CCDC86: variants seen among roughly 807,000 people sequenced by gnomAD.
The protein encoded by CCDC86 is coiled-coil domain containing 86.
CCDC86 carries 28 observed loss-of-function variants against 36.7 expected under a neutral mutation model. The observed-to-expected ratio is 0.76, with a 90% CI of 0.57 to 1.05. The LOEUF (loss-of-function observed/expected upper bound fraction) is 1.05, where lower values mean the gene tolerates loss of function less well. Ranked by LOEUF, CCDC86 falls within the 50% of genes least tolerant of loss-of-function variation. The probability of loss-of-function intolerance (pLI) is 0.00; values close to 1 mark genes in which losing one functional copy is unlikely to be tolerated. For synonymous variants in CCDC86, 199 were observed against 203.4 expected (o/e 0.98, Z 0.18); for missense variants, 453 against 470.2 (o/e 0.96, Z 0.34).
chr11:60,850,412 T>C lies in CCDC86; in HGVS notation c.*87T>C, dbSNP rs1034541723. On this transcript the variant is annotated 3_prime_UTR_variant, in exon 4 of 4. Coordinates refer to ENST00000227520, the MANE Select transcript of CCDC86 (RefSeq NM_024098.4). ...GCTGCTCAGATGCCTCTGCTGGAGC[T>C]GGCACTCCAAACCCATGGCTCCAGA... 2.6e-4 allele frequency: 399 copies of C among 1,511,180 alleles called. 2 individuals carry two copies. Among genetic ancestry groups the C allele is most frequent in the East Asian group, 5.0e-4 (21 of 42,382 alleles). 93.6% of individuals were successfully genotyped at this position (1,511,180 alleles called of 1,614,324 possible).
At position 60,847,698 on chromosome 11, in the gene CCDC86, A is replaced by G. The variant is rs142639468; in HGVS notation, c.759-226A>G. ...GTAAGTGGAGAGGATAGGAGTACCCACCTCAGAGGCATGTAGCCAAGGCTT... is the reference window on the plus strand; with the variant it reads ...GTAAGTGGAGAGGATAGGAGTACCCGCCTCAGAGGCATGTAGCCAAGGCTT... On this transcript the variant is annotated intron_variant, in intron 1 of 3. Coordinates refer to ENST00000227520, the MANE Select transcript of CCDC86 (RefSeq NM_024098.4). 521 of 399,354 alleles carry G rather than the reference A, an allele frequency of 1.3e-3. 8 individuals carry two copies. In the East Asian group the frequency reaches 0.014, roughly 11 times the overall value. The allele number at this position is 399,354 out of a possible 1,614,324, so 24.7% of individuals were successfully genotyped here. A position where few individuals can be genotyped will look rare whatever the true frequency, so the allele number is the denominator to read the frequency against.
At chr11:60,844,851 T>A (rs1855163951) in intron 1 of CCDC86, among the ~76,000 whole-genome samples, 1 of 152,218 alleles carries the variant, frequency 6.6e-6, no homozygotes, top group African/African-American at 2.4e-5. Flanking sequence ...GGTAGTTCAT[T>A]CATTCATCAA....
rs1234755449 is a variant in CCDC86, at chr11:60,847,756, T to C, written c.759-168T>C. ...GGCAGCCAGCACGATCAGGGTTCCCTCCCGCCCCAAGTTTCTGCAGCCCTG... is the reference window on the plus strand; with the variant it reads ...GGCAGCCAGCACGATCAGGGTTCCCCCCCGCCCCAAGTTTCTGCAGCCCTG... On this transcript the variant is annotated intron_variant, in intron 1 of 3. Coordinates refer to ENST00000227520, the MANE Select transcript of CCDC86 (RefSeq NM_024098.4). The C allele has an allele frequency of 3.6e-6, 3 of 841,476 alleles. No individual in the cohort carries two copies. In the East Asian group the frequency reaches 9.9e-5, roughly 28 times the overall value. 52.1% of individuals were successfully genotyped at this position (841,476 alleles called of 1,614,324 possible).
rs551238179 is a variant in CCDC86, at chr11:60,846,635, AGCAATCTCGGCTCACC to A, written c.759-1284_759-1269del. Among the ~76,000 whole-genome samples the A allele has an allele frequency of 1.4e-3, 210 of 151,768 alleles. 1 individual carries two copies. The highest frequency in any genetic ancestry group is 3.4e-3 in the Middle Eastern group (1 of 294). On this transcript the variant is annotated intron_variant, in intron 1 of 3. Transcript: ENST00000227520. ...TGTTGCCCAGGCCAGAGTGCAATGG[AGCAATCTCGGCTCACC>A]GCAACCTCCGCCTCCTGGGTTCAAG...
intron 1 of CCDC86, 103 bp from the exon 2 acceptor site, chr11:60,847,821 T>A: frequency 7.0e-7 from 1 of 1,419,438 alleles, no homozygotes; most frequent in Non-Finnish European, 9.4e-7. Context: ...TGGTTCTGCC[T>A]GGGCTCTGGG....
chr11:60,850,123 C>A, intron 3 of CCDC86, 83 bp from the exon 4 acceptor site: 1 of 1,607,550 alleles, frequency 6.2e-7, no homozygotes, highest in Non-Finnish European at 8.5e-7. Flanking sequence ...ATCTCAGGCC[C>A]CTGTGGGGCG....
At chr11:60,847,764 C>T in intron 1 of CCDC86, 160 bp from the exon 2 acceptor site, 1 of 951,272 alleles carries the variant, frequency 1.1e-6, no homozygotes, top group Non-Finnish European at 1.5e-6. Flanking sequence ...CCTCCCGCCC[C>T]AAGTTTCTGC....
chr11:60,850,459 G>A lies in CCDC86; in HGVS notation c.*134G>A, dbSNP rs959241507. 9.0e-6 allele frequency: 11 copies of A among 1,217,738 alleles called. No individual in the cohort carries two copies. The highest frequency in any genetic ancestry group is 2.8e-4 in the Middle Eastern group (1 of 3,532). The allele number at this position is 1,217,738 out of a possible 1,614,324, so 75.4% of individuals were successfully genotyped here. A position where few individuals can be genotyped will look rare whatever the true frequency, so the allele number is the denominator to read the frequency against. On this transcript the variant is annotated 3_prime_UTR_variant, in exon 4 of 4. Transcript: ENST00000227520. ...CAGAACAGGGACCCCCACCCCGACC[G>A]GGGCTCCTCGGCCTTTGAAGGCTTC...
At position 60,850,037 on chromosome 11, in the gene CCDC86, C is replaced by T. The variant is rs377221033; in HGVS notation, c.963+23C>T. On this transcript the variant is annotated intron_variant, in intron 3 of 3. Transcript: ENST00000227520. ...GTGGTGAGTGTCTCGTTTTCCCCCT[C>T]TGCCCTTCTGCCCCACTTGGGGGTG... The T allele has an allele frequency of 1.2e-4, 196 of 1,612,722 alleles. No individual in the cohort carries two copies. The African/African-American group carries it at 2.3e-3, about 19-fold the overall frequency.
In CCDC86 at chr11:60,847,914, C is replaced by T; in HGVS notation, c.759-10C>T. On this transcript the variant is annotated splice_polypyrimidine_tract_variant and intron_variant, in intron 1 of 3. Coordinates refer to ENST00000227520, the MANE Select transcript of CCDC86 (RefSeq NM_024098.4). ...ACAGACCCTGTATGCACCCACTCTC[C>T]CCCTTTCAGATTCTCCCAGATGCTT... 2 of 1,608,688 alleles carry T rather than the reference C, an allele frequency of 1.2e-6. No individual in the cohort carries two copies. The highest frequency in any genetic ancestry group is 2.2e-5 in the East Asian group (1 of 44,604).
intron 2 of CCDC86, among the ~76,000 whole-genome samples, chr11:60,849,685 C>T (rs500595): frequency 0.66 from 99,747 of 152,092 alleles, 33,423 homozygotes; most frequent in East Asian, 0.93. Context: ...AGTGTCTCAG[C>T]CCCTGTCCTC....
At chr11:60,849,850 G>T in intron 2 of CCDC86, 90 bp from the exon 3 acceptor site, 2 of 1,113,938 alleles carry the variant, frequency 1.8e-6, no homozygotes, top group Non-Finnish European at 2.7e-6. Flanking sequence ...TTCCTCCTGG[G>T]AATTCTGCCC....
intron 3 of CCDC86, 94 bp downstream of exon 3, chr11:60,850,108 C>A: frequency 6.2e-7 from 1 of 1,606,480 alleles, no homozygotes; most frequent in South Asian, 1.1e-5. Context: ...CACTCTCATG[C>A]TACGATCTCA....
chr11:60,846,948 G>T (rs929255127), intron 1 of CCDC86, among the ~76,000 whole-genome samples: 3 of 152,118 alleles, frequency 2.0e-5, no homozygotes, highest in East Asian at 1.9e-4. Context: ...ATAAATCCTT[G>T]TAGTATGCAT....
chr11:60,843,025 T>C lies in CCDC86; in HGVS notation c.758+143T>C. On this transcript the variant is annotated intron_variant, in intron 1 of 3. Transcript: ENST00000227520. ...GATGTTAGCAAACAGGTAATTACAA[T>C]CAGAATGTGGTAAAATGCCCTGGGA... is the stretch of plus-strand genomic sequence containing the variant. 2.6e-6 allele frequency: 3 copies of C among 1,152,396 alleles called. No individual in the cohort carries two copies. In the South Asian group the frequency reaches 5.6e-5, roughly 22 times the overall value. The allele number at this position is 1,152,396 out of a possible 1,614,324, so 71.4% of individuals were successfully genotyped here.
chr11:60,842,152 C>G lies in CCDC86; in HGVS notation c.28C>G (p.Arg10Gly), dbSNP rs772266334. 4.4e-6 allele frequency: 7 copies of G among 1,599,238 alleles called. 1 individual carries two copies. In the South Asian group the frequency reaches 7.8e-5, roughly 18 times the overall value. Residue 10 changes from arginine (R) to glycine (G), a missense_variant, in exon 1 of 4, where the codon CGG (arginine) becomes GGG (glycine). Arg to Gly is a moderately radical substitution (Grantham distance 125, BLOSUM62 -2). Transcript: ENST00000227520. MDTPLRRSR[R>G]LGGLRPESPE... ...GGATACACCGTTAAGGCGCAGCCGA[C>G]GGCTGGGAGGCCTAAGGCCCGAATC...
chr11:60,849,159 C>T (rs995121606), intron 2 of CCDC86, among the ~76,000 whole-genome samples: 1 of 152,190 alleles, frequency 6.6e-6, no homozygotes, highest in African/African-American at 2.4e-5. Context: ...CGTCCCCACC[C>T]TGGCCTTGCT....
At chr11:60,846,555 C>A (rs1234459875) in intron 1 of CCDC86, among the ~76,000 whole-genome samples, 2 of 152,110 alleles carry the variant, frequency 1.3e-5, no homozygotes, top group Admixed American at 6.6e-5. Context: ...ATCTTTGATA[C>A]TTGGCTTTTT....
At position 60,850,004 on chromosome 11, in the gene CCDC86, T is replaced by C; in HGVS notation, c.953T>C (p.Val318Ala). 6.2e-7 allele frequency: 1 copy of C among 1,613,982 alleles called. No homozygotes were observed. Among genetic ancestry groups the C allele is most frequent in the Non-Finnish European group, 8.5e-7 (1 of 1,179,980 alleles). Residue 318 changes from valine (V) to alanine (A), a missense_variant, in exon 3 of 4, where the codon GTC becomes GCC. Physicochemically the swap from Val to Ala is moderately conservative, Grantham distance 64 (BLOSUM62 0). Transcript: ENST00000227520. ...RRLENERKAE[V>A]VQVIRNPAKL... ...CTGGAGAATGAGCGGAAGGCAGAGG[T>C]CGTCCAAGTGGTGAGTGTCTCGTTT...
Sources: allele counts gnomAD v4.1 joint callset (sites outside exome capture counted in the v4.1 genomes callset), GRCh38; gene constraint gnomAD v4.1.1; transcripts MANE v1.5; gene names NCBI Gene and HGNC (gene_info 2026-07-23, HGNC 2026-07-21).